ST7: variants seen among roughly 807,000 people sequenced by gnomAD.
The protein encoded by ST7 is suppression of tumorigenicity 7, also known as suppressor of tumorigenicity 7 protein.
ST7 carries 28 observed loss-of-function variants against 78.7 expected under a neutral mutation model. That is an observed-to-expected ratio of 0.36 (90% CI 0.26 to 0.49). ST7 has a LOEUF of 0.49. ST7 is among the 20% of genes least tolerant of loss of function. The pLI, the probability that ST7 is intolerant of heterozygous loss-of-function variation, is 0.99. For synonymous variants in ST7, 247 were observed against 249.6 expected (o/e 0.99, Z 0.10); for missense variants, 418 against 696.0 (o/e 0.60, Z 4.49).
At chr7:117,032,939 G>A (rs989556564) in intron 1 of ST7, among the ~76,000 whole-genome samples, 1 of 152,096 alleles carries the variant, frequency 6.6e-6, no homozygotes, top group Non-Finnish European at 1.5e-5. Flanking sequence ...AATATATAAC[G>A]CAGTGCTTAA....
At chr7:117,055,622 C>T (rs1200222837) in intron 1 of ST7, among the ~76,000 whole-genome samples, 1 of 152,194 alleles carries the variant, frequency 6.6e-6, no homozygotes, top group Non-Finnish European at 1.5e-5. Flanking sequence ...TACACTCTGA[C>T]CTTTAAGTCC....
chr7:117,024,219 G>GA (rs1251850237), intron 1 of ST7, among the ~76,000 whole-genome samples: 1 of 152,128 alleles, frequency 6.6e-6, no homozygotes, highest in Non-Finnish European at 1.5e-5. Flanking sequence ...GAGAAAGGGA[G>GA]AAAAAATTTC....
chr7:117,010,184 A>C (rs1348275875), intron 1 of ST7, among the ~76,000 whole-genome samples: 1 of 152,214 alleles, frequency 6.6e-6, no homozygotes, highest in Non-Finnish European at 1.5e-5. Flanking sequence ...GCCATGGAGA[A>C]TGTGGAGCAC....
At chr7:117,169,310 A>G (rs1264358920) in intron 9 of ST7, among the ~76,000 whole-genome samples, 1 of 151,448 alleles carries the variant, frequency 6.6e-6, no homozygotes, top group East Asian at 1.9e-4. Flanking sequence ...TAATTTTTGT[A>G]TTTTTAGTAG....
intron 1 of ST7, among the ~76,000 whole-genome samples, chr7:117,061,655 A>G (rs903408391): frequency 2.0e-5 from 3 of 152,182 alleles, no homozygotes; most frequent in Non-Finnish European, 2.9e-5. Flanking sequence ...TGAATTAGTA[A>G]TTAAAGGAAG....
At chr7:117,050,811 T>TCC (rs1440495559) in intron 1 of ST7, among the ~76,000 whole-genome samples, 4 of 151,704 alleles carry the variant, frequency 2.6e-5, no homozygotes, top group Non-Finnish European at 5.9e-5. Context: ...ACGCCTGTAG[T>TCC]CCCAGCTACT....
Position 117,043,138 on chromosome 7 carries a change from A to G in ST7, c.152-56624A>G, listed in dbSNP as rs189391816. On this transcript the variant is annotated intron_variant, in intron 1 of 15. Transcript: ENST00000323984. ...TAATGAGTTTTCATTGAATCATCAC[A>G]AAACACATGCTATTAATAATCTTTG... Among the ~76,000 whole-genome samples, 54 of 152,362 alleles carry G rather than the reference A, an allele frequency of 3.5e-4. No individual in the cohort carries two copies. In the East Asian group the frequency reaches 9.8e-3, roughly 28 times the overall value.
At chr7:117,117,351 T>G (rs1387604256) in intron 2 of ST7, among the ~76,000 whole-genome samples, 3 of 152,180 alleles carry the variant, frequency 2.0e-5, no homozygotes, top group African/African-American at 7.2e-5. Flanking sequence ...TGGCAGGGGC[T>G]AAGTCTGTAA....
chr7:117,015,457 A>G (rs1795562802), intron 1 of ST7, among the ~76,000 whole-genome samples: 1 of 152,222 alleles, frequency 6.6e-6, no homozygotes, highest in Non-Finnish European at 1.5e-5. Flanking sequence ...AATGAAGTGA[A>G]TTGGAGAATT....
chr7:117,108,384 C>T (rs1429321034), intron 2 of ST7, among the ~76,000 whole-genome samples: 2 of 152,046 alleles, frequency 1.3e-5, no homozygotes, highest in Non-Finnish European at 2.9e-5. Context: ...GTGCTTTGTC[C>T]AAGATCAGTC....
At chr7:116,998,057 T>A (rs1352360694) in intron 1 of ST7, among the ~76,000 whole-genome samples, 1 of 152,080 alleles carries the variant, frequency 6.6e-6, no homozygotes, top group Non-Finnish European at 1.5e-5. Context: ...GCGGTGCTTG[T>A]CGGGGATGCT....
chr7:117,195,473 C>A (rs749864613), intron 12 of ST7, among the ~76,000 whole-genome samples: 1 of 152,092 alleles, frequency 6.6e-6, no homozygotes, highest in Non-Finnish European at 1.5e-5. Context: ...TCTCATGCTG[C>A]AAATAAAGAC....
chr7:117,139,667 A>G (rs986656446), intron 9 of ST7, among the ~76,000 whole-genome samples: 28 of 152,222 alleles, frequency 1.8e-4, no homozygotes, highest in Admixed American at 1.8e-3. Flanking sequence ...AGGAACTAGA[A>G]GGGAAGGTTA....
chr7:116,991,068 C>T (rs765246006), intron 1 of ST7, among the ~76,000 whole-genome samples: 2 of 152,174 alleles, frequency 1.3e-5, no homozygotes, highest in Non-Finnish European at 2.9e-5. Flanking sequence ...TGTTCGTTCT[C>T]GTTGCATTGG....
chr7:117,223,134 ATC>A (rs1403801790), intron 15 of ST7: 1 of 629,824 alleles, frequency 1.6e-6, no homozygotes, highest in African/African-American at 1.8e-5. Context: ...GGCCTTCACA[ATC>A]TGTCAGTTCT....
At position 117,181,746 on chromosome 7, in the gene ST7, A is replaced by G. The variant is rs1363847857; in HGVS notation, c.1079-7575A>G. ...AGATGGTGATTGGGGATCTAACAAT[A>G]GATTTATTAAGAAAAAATTGTGTCA... On this transcript the variant is annotated intron_variant, in intron 10 of 15. Coordinates refer to ENST00000323984, the MANE Select transcript of ST7 (RefSeq NM_001369598.1). Among the ~76,000 whole-genome samples, 4 of 152,334 alleles carry G rather than the reference A, an allele frequency of 2.6e-5. No homozygotes were observed. The East Asian group carries it at 7.7e-4, about 29-fold the overall frequency.
intron 1 of ST7, among the ~76,000 whole-genome samples, chr7:117,024,816 A>T (rs10240500): frequency 1.3e-5 from 2 of 152,114 alleles, no homozygotes; most frequent in Admixed American, 6.5e-5. Context: ...TAGCTACATC[A>T]CCTGGGGTAG....
At chr7:116,977,381 T>G (rs2116303066) in intron 1 of ST7, among the ~76,000 whole-genome samples, 1 of 152,272 alleles carries the variant, frequency 6.6e-6, no homozygotes, top group African/African-American at 2.4e-5. Flanking sequence ...TGCTTCCTGT[T>G]TATTGGCACT....
At chr7:117,076,892 A>G (rs1184083293) in intron 1 of ST7, among the ~76,000 whole-genome samples, 1 of 152,212 alleles carries the variant, frequency 6.6e-6, no homozygotes, top group Non-Finnish European at 1.5e-5. Flanking sequence ...GGCCAGTGTG[A>G]CAGCCTTTTG....
Sources: allele counts gnomAD v4.1 joint callset (sites outside exome capture counted in the v4.1 genomes callset), GRCh38; gene constraint gnomAD v4.1.1; transcripts MANE v1.5; gene names NCBI Gene and HGNC (gene_info 2026-07-23, HGNC 2026-07-21).